Variants in LHFPL3 observed in about 807,000 individuals in gnomAD.
LHFPL3 encodes LHFPL tetraspan subfamily member 3 protein.
A neutral mutation model predicts 19.3 loss-of-function variants in LHFPL3; 5 were observed. The ratio of observed to expected loss-of-function variants is 0.26; its 90% CI spans 0.14 to 0.54. The LOEUF is 0.54. Among genes scored for constraint, LHFPL3 ranks in the 20% least tolerant of loss-of-function variants. The pLI is 0.94. For synonymous variants in LHFPL3, 133 were observed against 126.2 expected (o/e 1.05, Z -0.36); for missense variants, 249 against 307.4 (o/e 0.81, Z 1.42).
At chr7:104,391,509 A>G (rs1791068113) in intron 1 of LHFPL3, among the ~76,000 whole-genome samples, 2 of 152,110 alleles carry the variant, frequency 1.3e-5, no homozygotes, top group East Asian at 3.9e-4. Context: ...GTGTGGTATT[A>G]TTTCTGAGGG....
intron 2 of LHFPL3, among the ~76,000 whole-genome samples, chr7:104,854,266 G>C (rs531392203): frequency 6.9e-6 from 1 of 144,744 alleles, no homozygotes; most frequent in African/African-American, 2.5e-5. Flanking sequence ...TGGTAAACAA[G>C]TGGAAGGTTT....
At chr7:104,480,456 G>A (rs2115654683) in intron 1 of LHFPL3, among the ~76,000 whole-genome samples, 1 of 152,134 alleles carries the variant, frequency 6.6e-6, no homozygotes, top group African/African-American at 2.4e-5. Flanking sequence ...AAAATTCCCT[G>A]TATTTGGAAT....
intron 2 of LHFPL3, among the ~76,000 whole-genome samples, chr7:104,868,779 C>G (rs1391920077): frequency 6.6e-6 from 1 of 152,048 alleles, no homozygotes. Context: ...TCAATCCTAA[C>G]CCAAAAGAAC....
At chr7:104,772,877 C>CTA (rs1794576993) in intron 2 of LHFPL3, among the ~76,000 whole-genome samples, 1 of 152,236 alleles carries the variant, frequency 6.6e-6, no homozygotes, top group Non-Finnish European at 1.5e-5. Context: ...ATTTGGCTAA[C>CTA]ATTAACTTTA....
At chr7:104,707,711 C>T (rs1017072958) in intron 1 of LHFPL3, among the ~76,000 whole-genome samples, 1 of 152,214 alleles carries the variant, frequency 6.6e-6, no homozygotes, top group Non-Finnish European at 1.5e-5. Flanking sequence ...AGAGGCCATG[C>T]TTTCATCATA....
At chr7:104,822,814 G>C (rs1272914287) in intron 2 of LHFPL3, among the ~76,000 whole-genome samples, 1 of 152,116 alleles carries the variant, frequency 6.6e-6, no homozygotes, top group Non-Finnish European at 1.5e-5. Context: ...GAGGATAAAA[G>C]TAAGGGTAGA....
At chr7:104,410,325 G>T (rs1212579239) in intron 1 of LHFPL3, among the ~76,000 whole-genome samples, 1 of 152,102 alleles carries the variant, frequency 6.6e-6, no homozygotes, top group Non-Finnish European at 1.5e-5. Context: ...TAGAGACGGG[G>T]TTTCACTATG....
intron 2 of LHFPL3, among the ~76,000 whole-genome samples, chr7:104,880,231 A>G (rs1792020461): frequency 6.6e-6 from 1 of 152,022 alleles, no homozygotes; most frequent in Non-Finnish European, 1.5e-5. Context: ...TTCTTGCTCT[A>G]AGTTCACATG....
At chr7:104,415,789 A>C (rs1791608877) in intron 1 of LHFPL3, among the ~76,000 whole-genome samples, 6 of 152,108 alleles carry the variant, frequency 3.9e-5, no homozygotes, top group Non-Finnish European at 7.3e-5. Context: ...AACATTATTT[A>C]AGGACATTAG....
chr7:104,329,747 C>T (rs879418645), intron 1 of LHFPL3, among the ~76,000 whole-genome samples: 1 of 152,128 alleles, frequency 6.6e-6, no homozygotes, highest in Non-Finnish European at 1.5e-5. Context: ...CTTTCCATCC[C>T]GGGCAGTTAA....
intron 2 of LHFPL3, among the ~76,000 whole-genome samples, chr7:104,784,625 C>A (rs377631423): frequency 6.6e-6 from 1 of 152,188 alleles, no homozygotes; most frequent in African/African-American, 2.4e-5. Flanking sequence ...GAATTCAAAG[C>A]TAGATCTCAA....
In LHFPL3 at chr7:104,507,001, A is replaced by G. The variant is rs73713273; in HGVS notation, c.445+177777A>G. Among the ~76,000 whole-genome samples, 1,383 of 152,354 alleles carry G rather than the reference A, an allele frequency of 9.1e-3. 19 individuals are homozygous for G. Among genetic ancestry groups the G allele is most frequent in the African/African-American group, 0.031 (1,300 of 41,582 alleles). The stretch of plus-strand genomic sequence containing the variant: ...ATGTGGACAGTCTCTAAGATAGCAT[A>G]TTAAGAAAGTTTTTTTTAGAAGAGA... On this transcript the variant is annotated intron_variant, in intron 1 of 2. Coordinates refer to ENST00000424859, the MANE Select transcript of LHFPL3 (RefSeq NM_199000.3).
At chr7:104,501,932 G>A (rs1347391534) in intron 1 of LHFPL3, among the ~76,000 whole-genome samples, 1 of 152,112 alleles carries the variant, frequency 6.6e-6, no homozygotes, top group Non-Finnish European at 1.5e-5. Context: ...AAATAAGTTA[G>A]ATCAATTGTA....
chr7:104,482,174 A>G (rs972753352), intron 1 of LHFPL3, among the ~76,000 whole-genome samples: 4 of 152,192 alleles, frequency 2.6e-5, no homozygotes, highest in Non-Finnish European at 5.9e-5. Flanking sequence ...GACTCCTGGG[A>G]AATCCCACTG....
intron 1 of LHFPL3, among the ~76,000 whole-genome samples, chr7:104,457,835 T>A (rs930555160): frequency 7.0e-6 from 1 of 143,744 alleles, no homozygotes; most frequent in Non-Finnish European, 1.5e-5. Flanking sequence ...TATCTCATTG[T>A]GGTTTTGATT....
chr7:104,888,806 G>A lies in LHFPL3; in HGVS notation c.683-17381G>A, dbSNP rs1412273160. Among the ~76,000 whole-genome samples the A allele has an allele frequency of 2.6e-5, 4 of 152,200 alleles. No homozygotes were observed. The South Asian group carries it at 6.2e-4, about 24-fold the overall frequency. ...CTTAAGCCACTTGAATATTTGGGAT[G>A]AGTCTAAGTTTTCCAGGCGAAGGAA... is the stretch of plus-strand genomic sequence containing the variant. On this transcript the variant is annotated intron_variant, in intron 2 of 2. Transcript: ENST00000424859.
intron 1 of LHFPL3, among the ~76,000 whole-genome samples, chr7:104,543,593 G>A (rs2115883371): frequency 6.6e-6 from 1 of 151,942 alleles, no homozygotes; most frequent in South Asian, 2.1e-4. Flanking sequence ...CATAAAAAAT[G>A]AAGAGTTCAT....
At chr7:104,689,744 C>A (rs2116128404) in intron 1 of LHFPL3, among the ~76,000 whole-genome samples, 1 of 152,214 alleles carries the variant, frequency 6.6e-6, no homozygotes, top group African/African-American at 2.4e-5. Flanking sequence ...TCCAGGGGAC[C>A]CAAAGTATCA....
At chr7:104,557,021 G>A (rs1789853482) in intron 1 of LHFPL3, among the ~76,000 whole-genome samples, 1 of 152,132 alleles carries the variant, frequency 6.6e-6, no homozygotes, top group Admixed American at 6.6e-5. Context: ...GACCACTTCA[G>A]CCTGAATGTC....
Sources: gnomAD v4.1 joint callset for allele counts (sites outside exome capture counted in the v4.1 genomes callset) on GRCh38, gnomAD v4.1.1 for gene constraint, MANE v1.5 for transcripts, NCBI Gene and HGNC (gene_info 2026-07-23, HGNC 2026-07-21) for gene names.